Variants in MBNL1 observed in about 807,000 individuals in gnomAD.
The protein encoded by MBNL1 is muscleblind-like protein 1.
Under a neutral mutation model 42.2 loss-of-function variants are expected in MBNL1, and 8 were observed. The observed-to-expected ratio is 0.19, with a 90% CI of 0.11 to 0.34. The LOEUF is 0.34. MBNL1 is among the 10% of genes least tolerant of loss of function. The pLI is 1.00. For synonymous variants in MBNL1, 169 were observed against 173.9 expected (o/e 0.97, Z 0.22); for missense variants, 309 against 495.3 (o/e 0.62, Z 3.57).
chr3:152,432,845 A>G lies in MBNL1; in HGVS notation c.474A>G (p.Thr158=). 2 of 1,614,198 alleles carry G rather than the reference A, an allele frequency of 1.2e-6. No individual in the cohort carries two copies. Among genetic ancestry groups the G allele is most frequent in the Admixed American group, 1.7e-5 (1 of 60,026 alleles). ...TGCCGACTGCACCAATGTTGGTTAC[A>G]GGGAATCCGGGTGTCCCTGTACCTG... The part of the protein sequence containing the change: ...EILPTAPMLV[T]GNPGVPVPAA... The change falls in exon 4 of 10, where the codon ACA becomes ACG. Residue 158 remains threonine, a synonymous_variant. Coordinates refer to ENST00000324210, the MANE Select transcript of MBNL1 (RefSeq NM_021038.5).
intron 1 of MBNL1, among the ~76,000 whole-genome samples, chr3:152,282,218 T>C (rs1198058861): frequency 2.6e-5 from 4 of 152,122 alleles, no homozygotes. Flanking sequence ...AATAAAGGTA[T>C]TCTAATATAC....
At position 152,415,079 on chromosome 3, in the gene MBNL1, G is replaced by A. The variant is rs1231193582; in HGVS notation, c.313G>A (p.Ala105Thr). ...GGCCCAGCAAATGCAACTAGCCAAT[G>A]CCATGATGCCTGGTGCCCCATTACA... is the stretch of plus-strand genomic sequence containing the variant. Reference protein sequence around the residue: ...MLAQQMQLANAMMPGAPLQPV... With the variant: ...MLAQQMQLANTMMPGAPLQPV... Residue 105 changes from alanine to threonine, a missense_variant, in exon 3 of 10, where the codon GCC becomes ACC. Transcript: ENST00000324210. 2.5e-6 allele frequency: 4 copies of A among 1,600,702 alleles called. No individual in the cohort carries two copies. The highest frequency in any genetic ancestry group is 3.4e-6 in the Non-Finnish European group (4 of 1,175,068).
intron 2 of MBNL1, among the ~76,000 whole-genome samples, chr3:152,260,086 T>C (rs2149489298): frequency 6.6e-6 from 1 of 152,330 alleles, no homozygotes; most frequent in South Asian, 2.1e-4. Flanking sequence ...ACTGGAATTA[T>C]GCCAGGTGCT....
intron 2 of MBNL1, among the ~76,000 whole-genome samples, chr3:152,322,895 G>A (rs185715991): frequency 2.6e-5 from 4 of 152,122 alleles, no homozygotes; most frequent in African/African-American, 9.6e-5. Flanking sequence ...AATTTAATAA[G>A]CATGAGACAG....
chr3:152,340,418 T>C, intron 2 of MBNL1: 1 of 1,343,618 alleles, frequency 7.4e-7, no homozygotes, highest in African/African-American at 1.5e-5. Context: ...GACTGAGTTT[T>C]TTCCTGCCAA....
intron 2 of MBNL1, among the ~76,000 whole-genome samples, chr3:152,378,124 G>C (rs892018334): frequency 2.0e-5 from 3 of 152,024 alleles, no homozygotes; most frequent in Non-Finnish European, 2.9e-5. Context: ...ATTGCTTGAG[G>C]CCAGGAGATC....
intron 2 of MBNL1, among the ~76,000 whole-genome samples, chr3:152,399,706 T>TA (rs2098132897): frequency 6.6e-6 from 1 of 152,108 alleles, no homozygotes; most frequent in Admixed American, 6.6e-5. Context: ...TCTCACTATG[T>TA]AGCCTAGGCT....
intron 2 of MBNL1, among the ~76,000 whole-genome samples, chr3:152,332,870 T>C (rs1303596808): frequency 6.6e-6 from 1 of 152,180 alleles, no homozygotes; most frequent in African/African-American, 2.4e-5. Context: ...AGTATTCTTC[T>C]GGCTTCTCAG....
intron 4 of MBNL1, among the ~76,000 whole-genome samples, chr3:152,442,599 G>GT (rs1341362131): frequency 4.6e-5 from 7 of 152,196 alleles, no homozygotes; most frequent in Non-Finnish European, 8.8e-5. Flanking sequence ...ATTTACTAAT[G>GT]TAATAGTATG....
chr3:152,331,151 TCTC>T (rs1365689902), intron 2 of MBNL1, among the ~76,000 whole-genome samples: 1 of 151,614 alleles, frequency 6.6e-6, no homozygotes, highest in Admixed American at 6.6e-5. Flanking sequence ...CTGCTCTTCT[TCTC>T]TTTTCATACT....
At chr3:152,254,798 G>A (rs2035215049) in intron 2 of MBNL1, among the ~76,000 whole-genome samples, 2 of 152,040 alleles carry the variant, frequency 1.3e-5, no homozygotes, top group African/African-American at 2.4e-5. Context: ...GTATCATCAT[G>A]TCAGGTGCTT....
At chr3:152,338,190 G>A in intron 2 of MBNL1, 2 of 985,400 alleles carry the variant, frequency 2.0e-6, no homozygotes, top group Non-Finnish European at 2.4e-6. Flanking sequence ...CTATCTCCAT[G>A]TATTTTGTTG....
At chr3:152,285,615 CTT>C (rs376440030) in intron 1 of MBNL1, among the ~76,000 whole-genome samples, 17 of 139,562 alleles carry the variant, frequency 1.2e-4, no homozygotes, top group African/African-American at 4.3e-4. Context: ...TCAGTGGAAA[CTT>C]TTTTTTTTTC....
At chr3:152,265,325 T>C (rs2037014852), upstream of MBNL1, 2 of 152,174 alleles carry the variant, frequency 1.3e-5, no homozygotes, top group Non-Finnish European at 2.9e-5. Context: ...ATAATAAAAA[T>C]AGCATTTTAA....
chr3:152,284,262 A>G (rs13088772), intron 1 of MBNL1, among the ~76,000 whole-genome samples: 1 of 152,164 alleles, frequency 6.6e-6, no homozygotes, highest in Non-Finnish European at 1.5e-5. Flanking sequence ...AAAAAGAAGC[A>G]CAATTAGAGA....
chr3:152,338,863 G>A (rs904265493), intron 2 of MBNL1, among the ~76,000 whole-genome samples: 45 of 151,964 alleles, frequency 3.0e-4, no homozygotes, highest in African/African-American at 1.0e-3. Flanking sequence ...ATTCACATTA[G>A]TTTTATTTAT....
intron 8 of MBNL1, among the ~76,000 whole-genome samples, chr3:152,457,163 T>A (rs1298029003): frequency 6.6e-6 from 1 of 152,176 alleles, no homozygotes; most frequent in Admixed American, 6.5e-5. Flanking sequence ...AATTTAAAAA[T>A]TGACATTTAT....
chr3:152,293,610 T>A lies in MBNL1; in HGVS notation c.-789-5795T>A, dbSNP rs147247300. 3.9e-3 allele frequency among the ~76,000 whole-genome samples: 600 copies of A among 152,308 alleles called. 3 individuals carry two copies. The highest frequency in any genetic ancestry group is 7.0e-3 in the Non-Finnish European group (479 of 68,024). On this transcript the variant is annotated intron_variant, in intron 1 of 9. Transcript: ENST00000324210. ...GGGTGAAGTTAGCCATCTCTTTCAGTTAGATTGAAACTATCTTAATAAACA... is the reference window on the plus strand; with the variant it reads ...GGGTGAAGTTAGCCATCTCTTTCAGATAGATTGAAACTATCTTAATAAACA...
At chr3:152,435,597 C>A (rs1235126228) in intron 4 of MBNL1, among the ~76,000 whole-genome samples, 2 of 151,946 alleles carry the variant, frequency 1.3e-5, no homozygotes, top group Non-Finnish European at 2.9e-5. Context: ...GGTAGTTGGA[C>A]AGGAATAACA....
Sources: allele counts gnomAD v4.1 joint callset (sites outside exome capture counted in the v4.1 genomes callset), GRCh38; gene constraint gnomAD v4.1.1; transcripts MANE v1.5; gene names NCBI Gene and HGNC (gene_info 2026-07-23, HGNC 2026-07-21).